Variants in PLEKHA5 observed in about 807,000 individuals in gnomAD.
The protein encoded by PLEKHA5 is pleckstrin homology domain containing A5, also known as pleckstrin homology domain-containing family A member 5.
PLEKHA5 carries 55 observed loss-of-function variants against 181.9 expected under a neutral mutation model. The observed-to-expected ratio is 0.30, with a 90% CI of 0.24 to 0.38. The LOEUF (loss-of-function observed/expected upper bound fraction) is 0.38. PLEKHA5 is among the 10% of genes least tolerant of loss of function. PLEKHA5 has a pLI of 1.00. For synonymous variants in PLEKHA5, 535 were observed against 529.4 expected, an observed-to-expected ratio of 1.01 and a Z score of -0.15; for missense variants, 1,432 against 1,549.5, an observed-to-expected ratio of 0.92 and a Z score of 1.27.
chr12:19,271,098 G>C (rs1338537371), intron 10 of PLEKHA5, among the ~76,000 whole-genome samples: 2 of 152,202 alleles, frequency 1.3e-5, no homozygotes, highest in East Asian at 1.9e-4. Context: ...TGCAGGATGA[G>C]AGCAGATAGA....
intron 20 of PLEKHA5, among the ~76,000 whole-genome samples, chr12:19,329,645 G>A (rs1421649973): frequency 6.6e-6 from 1 of 152,070 alleles, no homozygotes; most frequent in Non-Finnish European, 1.5e-5. Context: ...TTGTCTCTAA[G>A]AATCCTTTGT....
chr12:19,333,657 G>A (rs2093075494), intron 20 of PLEKHA5, among the ~76,000 whole-genome samples: 1 of 140,612 alleles, frequency 7.1e-6, no homozygotes, highest in African/African-American at 2.6e-5. Context: ...CGCCCGAGCT[G>A]GAGTGCAGTG....
intron 16 of PLEKHA5, among the ~76,000 whole-genome samples, chr12:19,319,419 T>C (rs2090041460): frequency 2.0e-5 from 3 of 152,202 alleles, no homozygotes. Flanking sequence ...TTCAAAGTTA[T>C]CTCCTGTTTA....
At chr12:19,271,562 T>A (rs959941713) in intron 10 of PLEKHA5, among the ~76,000 whole-genome samples, 2 of 152,148 alleles carry the variant, frequency 1.3e-5, no homozygotes, top group Non-Finnish European at 2.9e-5. Flanking sequence ...TTTAGGAAAT[T>A]GTTTAGAATA....
At chr12:19,158,324 G>A (rs1357065687) in intron 3 of PLEKHA5, among the ~76,000 whole-genome samples, 2 of 151,940 alleles carry the variant, frequency 1.3e-5, no homozygotes, top group Non-Finnish European at 2.9e-5. Context: ...CTGCACTCCA[G>A]CCTGGGCGAC....
At chr12:19,230,818 G>A (rs1470911707) in intron 3 of PLEKHA5, among the ~76,000 whole-genome samples, 1 of 152,178 alleles carries the variant, frequency 6.6e-6, no homozygotes, top group East Asian at 1.9e-4. Flanking sequence ...GCAGTGGCAA[G>A]CTGATGGGCT....
intron 15 of PLEKHA5, among the ~76,000 whole-genome samples, chr12:19,314,609 G>A (rs1245790495): frequency 6.6e-6 from 1 of 152,120 alleles, no homozygotes; most frequent in Non-Finnish European, 1.5e-5. Flanking sequence ...GCAATTAGTA[G>A]TTTTTTCTTG....
chr12:19,225,847 G>T (rs541655169), intron 3 of PLEKHA5, among the ~76,000 whole-genome samples: 1 of 152,188 alleles, frequency 6.6e-6, no homozygotes, highest in African/African-American at 2.4e-5. Context: ...AGGGCTGGAA[G>T]TAATGAAGAT....
At chr12:19,240,018 A>G (rs2062177398) in intron 3 of PLEKHA5, among the ~76,000 whole-genome samples, 1 of 152,242 alleles carries the variant, frequency 6.6e-6, no homozygotes, top group African/African-American at 2.4e-5. Context: ...AGAAAGCCAA[A>G]CGTTTTTTAC....
chr12:19,314,750 G>A (rs117878429), intron 15 of PLEKHA5, 64 bp from the exon 16 acceptor site: 97 of 839,436 alleles, frequency 1.2e-4, no homozygotes, highest in East Asian at 4.5e-4. Context: ...TTACAGTGTC[G>A]TCTTTCAAAT....
chr12:19,183,821 C>G (rs985040285), intron 3 of PLEKHA5, among the ~76,000 whole-genome samples: 1 of 152,152 alleles, frequency 6.6e-6, no homozygotes, highest in Non-Finnish European at 1.5e-5. Context: ...TCAAACGATT[C>G]TCCTGCCTCA....
At chr12:19,173,229 T>C (rs2046405535) in intron 3 of PLEKHA5, among the ~76,000 whole-genome samples, 1 of 150,266 alleles carries the variant, frequency 6.7e-6, no homozygotes, top group Non-Finnish European at 1.5e-5. Flanking sequence ...TTCACCTTGT[T>C]AGCCAGGATG....
At chr12:19,175,130 A>G (rs1019370762) in intron 3 of PLEKHA5, among the ~76,000 whole-genome samples, 4 of 152,234 alleles carry the variant, frequency 2.6e-5, no homozygotes, top group Non-Finnish European at 5.9e-5. Context: ...AAAGATTTCA[A>G]TGTGGGAATA....
intron 16 of PLEKHA5, among the ~76,000 whole-genome samples, chr12:19,316,170 A>G (rs754596639): frequency 2.6e-5 from 4 of 152,024 alleles, no homozygotes; most frequent in East Asian, 1.9e-4. Context: ...AGTAAAATAT[A>G]TCATCTATAA....
Position 19,376,387 on chromosome 12 carries a change from T to C in PLEKHA5, c.*868T>C, listed in dbSNP as rs893080848. ...CTTTTTTTATCATGTTAAATAAATG[T>C]TGATGTTCTTAAATCAGTGTTAGAA... On this transcript the variant is annotated 3_prime_UTR_variant, in exon 32 of 32. Coordinates refer to ENST00000429027, the MANE Select transcript of PLEKHA5 (RefSeq NM_001256470.2). The C allele has an allele frequency of 1.3e-5, 2 of 152,622 alleles. No individual in the cohort carries two copies. The highest frequency in any genetic ancestry group is 4.8e-5 in the African/African-American group (2 of 41,454). The allele number at this position is 152,622 out of a possible 1,614,324, so 9.5% of individuals were successfully genotyped here. A position where few individuals can be genotyped will look rare whatever the true frequency, so the allele number is the denominator to read the frequency against.
Position 19,226,318 on chromosome 12 carries a change from G to A in PLEKHA5, c.228-27622G>A, listed in dbSNP as rs559843125. The stretch of plus-strand genomic sequence containing the variant: ...ATATTCCATCATTTGTAAATGCTAC[G>A]TTTTGTTTTTCCATTCATTTGTTGA... On this transcript the variant is annotated intron_variant, in intron 3 of 31. Coordinates refer to ENST00000429027, the MANE Select transcript of PLEKHA5 (RefSeq NM_001256470.2). Among the ~76,000 whole-genome samples, 8 of 152,168 alleles carry A rather than the reference G, an allele frequency of 5.3e-5. No individual in the cohort carries two copies. The East Asian group carries it at 7.7e-4, about 15-fold the overall frequency.
At chr12:19,318,690 A>C (rs1005452342) in intron 16 of PLEKHA5, among the ~76,000 whole-genome samples, 1 of 152,216 alleles carries the variant, frequency 6.6e-6, no homozygotes, top group African/African-American at 2.4e-5. Flanking sequence ...TGGGAGGCCA[A>C]GATGGGAGGA....
chr12:19,301,138 G>A (rs992047520), intron 15 of PLEKHA5, among the ~76,000 whole-genome samples: 16 of 151,974 alleles, frequency 1.1e-4, no homozygotes, highest in Non-Finnish European at 2.9e-5. Context: ...CAACAAGAGC[G>A]AAACTCCGTC....
rs773987621 is a variant in PLEKHA5 at position 19,336,543 on chromosome 12, A to G, written c.2477A>G (p.Asp826Gly). The change falls in exon 21 of 32, where the codon GAT (aspartate) becomes GGT (glycine). Residue 826 changes from aspartate (D) to glycine (G), a missense_variant. Physicochemically the swap from Asp to Gly is moderately conservative, Grantham distance 94. Transcript: ENST00000429027. ...TTGGAACGAGCATGGAGAGAATATG[A>G]TAAGTTAGAATACGATGTAACTGTT... Reference protein sequence around the residue: ...AELERAWREYDKLEYDVTVTR... With the variant: ...AELERAWREYGKLEYDVTVTR... The G allele has an allele frequency of 2.5e-6, 4 of 1,607,422 alleles. No homozygotes were observed. The highest frequency in any genetic ancestry group is 3.4e-6 in the Non-Finnish European group (4 of 1,175,062).
Sources: allele counts gnomAD v4.1 joint callset (sites outside exome capture counted in the v4.1 genomes callset), GRCh38; gene constraint gnomAD v4.1.1; transcripts MANE v1.5; gene names NCBI Gene and HGNC (gene_info 2026-07-23, HGNC 2026-07-21).